The following FHIT variants were observed in gnomAD, a reference collection of about 807,000 sequenced individuals.
FHIT encodes the protein fragile histidine triad diadenosine triphosphatase, also known as bis(5'-adenosyl)-triphosphatase.
A neutral mutation model predicts 17.9 loss-of-function variants in FHIT; 19 were observed. The observed-to-expected ratio is 1.06, with a 90% confidence interval of 0.74 to 1.56. FHIT has a LOEUF of 1.56. Among genes scored for constraint, FHIT ranks in the 40% most tolerant of loss-of-function variants. The pLI is 0.00. For missense variants in FHIT, 248 were observed against 189.2 expected, an observed-to-expected ratio of 1.31 and a Z score of -1.82; for synonymous variants, 81 against 69.7, an observed-to-expected ratio of 1.16 and a Z score of -0.81.
chr3:60,621,016 A>T (rs782689490), intron 4 of FHIT, among the ~76,000 whole-genome samples: 1 of 152,140 alleles, frequency 6.6e-6, no homozygotes, highest in Admixed American at 6.6e-5. Flanking sequence ...CTTATAAAAA[A>T]TGTCAAACCA....
intron 1 of FHIT, among the ~76,000 whole-genome samples, chr3:61,205,558 G>C (rs368710155): frequency 6.6e-6 from 1 of 151,970 alleles, no homozygotes; most frequent in Non-Finnish European, 1.5e-5. Context: ...TGATTTGCAT[G>C]TCTCTGATGG....
At chr3:60,752,857 T>G (rs782360467) in intron 4 of FHIT, among the ~76,000 whole-genome samples, 2 of 152,170 alleles carry the variant, frequency 1.3e-5, no homozygotes, top group Non-Finnish European at 2.9e-5. Flanking sequence ...AATGTAGTTA[T>G]TCTGAAAAAA....
At position 61,094,370 on chromosome 3, in the gene FHIT, ACTT is replaced by A. The variant is rs2035575659; in HGVS notation, c.-163-52274_-163-52272del. ...ACCTTGCATAACTGACAGAACAATA[ACTT>A]CTTTGCATCTCACATGCAAAGGTGG... On this transcript the variant is annotated intron_variant, in intron 2 of 9. Coordinates refer to ENST00000492590, the MANE Select transcript of FHIT (RefSeq NM_002012.4). Among the ~76,000 whole-genome samples, 3 of 152,328 alleles carry A rather than the reference ACTT, an allele frequency of 2.0e-5. No homozygotes were observed. The South Asian group carries it at 6.2e-4, about 32-fold the overall frequency.
intron 8 of FHIT, among the ~76,000 whole-genome samples, chr3:59,872,363 TGG>T (rs1413103974): frequency 6.6e-6 from 1 of 152,156 alleles, no homozygotes; most frequent in African/African-American, 2.4e-5. Flanking sequence ...GAGGCTGATG[TGG>T]GGACTGGCTT....
rs925304732 is a variant in FHIT at position 61,208,162 on chromosome 3, G to A, written c.-212-7497C>T. On this transcript the variant is annotated intron_variant, in intron 1 of 9. Coordinates refer to ENST00000492590, the MANE Select transcript of FHIT (RefSeq NM_002012.4). Reference sequence around the variant, plus strand: ...CTTAATCCTGAGTTCTAGTTTGATTGCACTGTGGTCTGAGAGACAGTTTCT... The same window carrying A: ...CTTAATCCTGAGTTCTAGTTTGATTACACTGTGGTCTGAGAGACAGTTTCT... 4.6e-5 allele frequency among the ~76,000 whole-genome samples: 7 copies of A among 152,094 alleles called. 1 individual carries two copies. The highest frequency in any genetic ancestry group is 2.6e-4 in the Admixed American group (4 of 15,274).
At chr3:60,705,164 C>T (rs576139086) in intron 4 of FHIT, among the ~76,000 whole-genome samples, 46 of 151,946 alleles carry the variant, frequency 3.0e-4, no homozygotes, top group Admixed American at 1.3e-3. Context: ...TATATTTTTA[C>T]ACTGCATTAC....
rs141735124 is a variant in FHIT, at chr3:60,654,412, T to A, written c.-17-117433A>T. Among the ~76,000 whole-genome samples, 60 of 152,230 alleles carry A rather than the reference T, an allele frequency of 3.9e-4. 1 individual carries two copies. The highest frequency in any genetic ancestry group is 1.4e-3 in the African/African-American group (57 of 41,532). On this transcript the variant is annotated intron_variant, in intron 4 of 9. Transcript: ENST00000492590. Reference sequence around the variant, plus strand: ...CATCTCAGGATGATTCTACACAGCATGTCTACAGAGCCACCTGTCCAAATG... The same window carrying A: ...CATCTCAGGATGATTCTACACAGCAAGTCTACAGAGCCACCTGTCCAAATG...
intron 4 of FHIT, among the ~76,000 whole-genome samples, chr3:60,544,225 T>C (rs2036285801): frequency 1.3e-5 from 2 of 151,934 alleles, no homozygotes; most frequent in Admixed American, 1.3e-4. Context: ...TTCCTGACCT[T>C]AAGAGGGCTG....
chr3:60,632,391 A>G (rs2039468680), intron 4 of FHIT, among the ~76,000 whole-genome samples: 1 of 152,200 alleles, frequency 6.6e-6, no homozygotes, highest in East Asian at 1.9e-4. Context: ...CTTAGCTCCA[A>G]GTTGACATGG....
chr3:61,185,082 C>A (rs1051575194), intron 2 of FHIT, among the ~76,000 whole-genome samples: 5 of 152,128 alleles, frequency 3.3e-5, no homozygotes, highest in Non-Finnish European at 7.4e-5. Flanking sequence ...TTCCCCCCCA[C>A]GAAGTAGGAA....
At chr3:59,757,349 C>G (rs779247939) in intron 8 of FHIT, among the ~76,000 whole-genome samples, 34 of 152,156 alleles carry the variant, frequency 2.2e-4, no homozygotes, top group Non-Finnish European at 4.1e-4. Flanking sequence ...TTCAGTCATC[C>G]CACTTTATCT....
At chr3:61,177,068 T>C (rs1054259923) in intron 2 of FHIT, among the ~76,000 whole-genome samples, 1 of 151,916 alleles carries the variant, frequency 6.6e-6, no homozygotes, top group Non-Finnish European at 1.5e-5. Context: ...TCCCAGCTAC[T>C]TGGGAGGCTG....
In FHIT at chr3:60,921,119, G is replaced by C. The variant is rs527428420; in HGVS notation, c.-110-99108C>G. Among the ~76,000 whole-genome samples, 64 of 152,304 alleles carry C rather than the reference G, an allele frequency of 4.2e-4. 1 individual carries two copies. The South Asian group carries it at 0.012, about 29-fold the overall frequency. On this transcript the variant is annotated intron_variant, in intron 3 of 9. Coordinates refer to ENST00000492590, the MANE Select transcript of FHIT (RefSeq NM_002012.4). ...CTCACAAATAAGCAGTCTAAAAAGT[G>C]CTAAGACTTGAAAGGCAAACGACAC...
At chr3:59,858,228 CCCA>C (rs964627524) in intron 8 of FHIT, among the ~76,000 whole-genome samples, 1 of 146,326 alleles carries the variant, frequency 6.8e-6, no homozygotes, top group African/African-American at 2.6e-5. Flanking sequence ...CCTTCCTTTT[CCCA>C]CCTTCTTTTT....
chr3:60,900,508 A>G (rs1462923702), intron 3 of FHIT, among the ~76,000 whole-genome samples: 1 of 152,158 alleles, frequency 6.6e-6, no homozygotes, highest in Non-Finnish European at 1.5e-5. Context: ...TCTTTTTAGA[A>G]ACCAAAAAAA....
At chr3:60,031,223 T>C (rs1338177477) in intron 5 of FHIT, among the ~76,000 whole-genome samples, 1 of 152,250 alleles carries the variant, frequency 6.6e-6, no homozygotes, top group African/African-American at 2.4e-5. Flanking sequence ...GATTTCTCAC[T>C]CTGATCTTAT....
At chr3:60,837,913 TTATAA>T (rs1309358647) in intron 3 of FHIT, among the ~76,000 whole-genome samples, 8 of 152,174 alleles carry the variant, frequency 5.3e-5, no homozygotes, top group Non-Finnish European at 5.9e-5. Context: ...TCTTCCCCAT[TTATAA>T]TATAATTATT....
At position 59,903,828 on chromosome 3, in the gene FHIT, T is replaced by G. The variant is rs1041093157; in HGVS notation, c.348+18518A>C. ...ATGGCTCATGAATGCAAGGGATAAG[T>G]TGAAGAGAAGGCAAAGTTAGATTTC... On this transcript the variant is annotated intron_variant, in intron 8 of 9. Transcript: ENST00000492590. Among the ~76,000 whole-genome samples the G allele has an allele frequency of 1.2e-4, 19 of 152,274 alleles. No individual in the cohort carries two copies. In the South Asian group the frequency reaches 2.9e-3, roughly 23 times the overall value.
chr3:60,138,559 G>T (rs747520517), intron 5 of FHIT, among the ~76,000 whole-genome samples: 1 of 151,978 alleles, frequency 6.6e-6, no homozygotes, highest in African/African-American at 2.4e-5. Context: ...TATCATCTAG[G>T]CTCCCTGCCT....
Sources: allele counts gnomAD v4.1 joint callset (sites outside exome capture counted in the v4.1 genomes callset), GRCh38; gene constraint gnomAD v4.1.1; transcripts MANE v1.5; gene names NCBI Gene and HGNC (gene_info 2026-07-23, HGNC 2026-07-21).